The following MAP2K5 variants were observed in gnomAD, a reference collection of about 807,000 sequenced individuals.
The protein encoded by MAP2K5 is mitogen-activated protein kinase kinase 5.
A neutral mutation model predicts 83.1 loss-of-function variants in MAP2K5; 49 were observed. The observed-to-expected ratio is 0.59, with a 90% CI of 0.47 to 0.75. The LOEUF is 0.75. Among genes scored for constraint, MAP2K5 ranks in the 30% least tolerant of loss-of-function variants. The pLI is 0.00. For synonymous variants in MAP2K5, 202 were observed against 191.8 expected, an observed-to-expected ratio of 1.05 and a Z score of -0.44; for missense variants, 457 against 557.5, an observed-to-expected ratio of 0.82 and a Z score of 1.82.
At chr15:67,803,070 A>T (rs2090735106) in intron 21 of MAP2K5, among the ~76,000 whole-genome samples, 1 of 152,238 alleles carries the variant, frequency 6.6e-6, no homozygotes, top group Non-Finnish European at 1.5e-5. Flanking sequence ...CACAATGGAG[A>T]TGCATAGCTG....
In MAP2K5 at chr15:67,636,472, C is replaced by A. The variant is rs1017851876; in HGVS notation, c.585+5545C>A. Among the ~76,000 whole-genome samples the A allele has an allele frequency of 2.0e-5, 3 of 150,348 alleles. No individual in the cohort carries two copies. The highest frequency in any genetic ancestry group is 4.4e-5 in the Non-Finnish European group (3 of 67,718). On this transcript the variant is annotated intron_variant, in intron 9 of 21. Coordinates refer to ENST00000178640, the MANE Select transcript of MAP2K5 (RefSeq NM_145160.3). The surrounding 1 kb of genome is among the most constrained non-coding windows in gnomAD (Gnocchi z 4.7). ...GAATTAGTGGCCTTATCTATTTATT[C>A]CATCATATGTGTCATATCTGGATCA...
At position 67,779,480 on chromosome 15, in the gene MAP2K5, A is replaced by G. The variant is rs564285634; in HGVS notation, c.1242+6728A>G. ...ATAGATGTGACCACTTAATCTTTTC[A>G]CAAGACTTTAGCAGATAAATATGTG... is the stretch of plus-strand genomic sequence containing the variant. On this transcript the variant is annotated intron_variant, in intron 21 of 21. Coordinates refer to ENST00000178640, the MANE Select transcript of MAP2K5 (RefSeq NM_145160.3). The surrounding 1 kb of genome is among the most constrained non-coding windows in gnomAD (Gnocchi z 4.6). Among the ~76,000 whole-genome samples, 2 of 152,362 alleles carry G rather than the reference A, an allele frequency of 1.3e-5. No individual in the cohort carries two copies. The highest frequency in any genetic ancestry group is 3.9e-4 in the East Asian group (2 of 5,190).
chr15:67,760,135 G>T lies in MAP2K5; in HGVS notation c.1135-9467G>T, dbSNP rs2089921468. 6.6e-6 allele frequency among the ~76,000 whole-genome samples: 1 copy of T among 152,186 alleles called. No homozygotes were observed. Among genetic ancestry groups the T allele is most frequent in the Non-Finnish European group, 1.5e-5 (1 of 68,028 alleles). The stretch of plus-strand genomic sequence containing the variant: ...GAAAATAGGTTAGCATTAAGGCCAG[G>T]ATTCCTTTAGTAATTACTTTTTCTA... On this transcript the variant is annotated intron_variant, in intron 19 of 21. Transcript: ENST00000178640. This position sits in a 1 kb window ranked among gnomAD's most constrained non-coding sequence, Gnocchi z 4.1.
intron 12 of MAP2K5, among the ~76,000 whole-genome samples, chr15:67,660,216 C>T (rs749727710): frequency 2.6e-5 from 4 of 151,760 alleles, no homozygotes; most frequent in Non-Finnish European, 5.9e-5. Flanking sequence ...TTGTCTGCCA[C>T]GGAAATGATC....
At chr15:67,623,795 C>T (rs2141071943) in intron 8 of MAP2K5, among the ~76,000 whole-genome samples, 1 of 151,970 alleles carries the variant, frequency 6.6e-6, no homozygotes, top group Non-Finnish European at 1.5e-5. Context: ...CGGGGTTTCT[C>T]CATGTTGGTC....
intron 5 of MAP2K5, among the ~76,000 whole-genome samples, 176 bp from the exon 6 acceptor site, chr15:67,586,670 T>C (rs1474376835): frequency 6.6e-6 from 1 of 152,242 alleles, no homozygotes; most frequent in Non-Finnish European, 1.5e-5. Flanking sequence ...TATTATGTAA[T>C]GTATGGGTTA....
intron 17 of MAP2K5, among the ~76,000 whole-genome samples, chr15:67,739,987 T>TG (rs1049132367): frequency 6.6e-6 from 1 of 152,062 alleles, no homozygotes; most frequent in African/African-American, 2.4e-5. Flanking sequence ...GTTGGAAGGA[T>TG]GGGGGGAAGC....
intron 7 of MAP2K5, among the ~76,000 whole-genome samples, chr15:67,594,400 T>C (rs1703931257): frequency 6.6e-6 from 1 of 152,210 alleles, no homozygotes; most frequent in Non-Finnish European, 1.5e-5. Context: ...TTGTAATTTA[T>C]GTATGAGTCA....
intron 12 of MAP2K5, among the ~76,000 whole-genome samples, chr15:67,662,299 G>C (rs895987877): frequency 7.2e-5 from 11 of 152,068 alleles, no homozygotes; most frequent in Admixed American, 6.6e-4. Context: ...TTGCTCTTAG[G>C]CTTCCTTGAT....
At chr15:67,763,494 C>T (rs936089211) in intron 19 of MAP2K5, among the ~76,000 whole-genome samples, 27 of 152,140 alleles carry the variant, frequency 1.8e-4, no homozygotes, top group Non-Finnish European at 3.8e-4. Flanking sequence ...CAGATATGTA[C>T]ATTGAGGACC....
intron 17 of MAP2K5, among the ~76,000 whole-genome samples, chr15:67,737,294 A>G (rs1446712669): frequency 2.0e-5 from 3 of 152,204 alleles, no homozygotes; most frequent in Non-Finnish European, 4.4e-5. Context: ...AAAGACATCA[A>G]CTTTTATTAT....
intron 8 of MAP2K5, among the ~76,000 whole-genome samples, chr15:67,627,486 GAAAAGC>G (rs2086354148): frequency 6.6e-6 from 1 of 152,144 alleles, no homozygotes; most frequent in Non-Finnish European, 1.5e-5. Flanking sequence ...ACTCAAGTAG[GAAAAGC>G]AAAATGAGTA....
chr15:67,664,333 CAAAAAAAAA>C (rs11395465), intron 12 of MAP2K5, among the ~76,000 whole-genome samples: 2 of 74,090 alleles, frequency 2.7e-5, no homozygotes, highest in East Asian at 9.6e-4. Context: ...CTGTTTCTAC[CAAAAAAAAA>C]AAAAAAAAAA....
chr15:67,703,552 G>A (rs2141215856), intron 16 of MAP2K5, 144 bp downstream of exon 16: 3 of 630,116 alleles, frequency 4.8e-6, no homozygotes, highest in Middle Eastern at 4.2e-4. Flanking sequence ...TAAAGTCTTT[G>A]ATTCCTTGTG....
chr15:67,712,929 A>T (rs2088730054), intron 16 of MAP2K5, among the ~76,000 whole-genome samples: 1 of 152,138 alleles, frequency 6.6e-6, no homozygotes, highest in Non-Finnish European at 1.5e-5. Context: ...AAAAAAAAGA[A>T]CCAAGTCATG....
At chr15:67,670,536 T>C in intron 13 of MAP2K5, 1 of 447,778 alleles carries the variant, frequency 2.2e-6, no homozygotes, top group South Asian at 1.6e-5. Context: ...GAAAAGCTCT[T>C]CTTACATCTT....
At chr15:67,632,655 T>C (rs2086501516) in intron 9 of MAP2K5, among the ~76,000 whole-genome samples, 1 of 152,240 alleles carries the variant, frequency 6.6e-6, no homozygotes. Context: ...TCATCTCCAA[T>C]ATGCCTTTTT....
In MAP2K5 at chr15:67,724,760, A is replaced by AGGCAGCGGTCCTCTCCTG. The variant is rs1285281296; in HGVS notation, c.1045-3153_1045-3136dup. Among the ~76,000 whole-genome samples, 5 of 152,222 alleles carry AGGCAGCGGTCCTCTCCTG rather than the reference A, an allele frequency of 3.3e-5. No individual in the cohort carries two copies. Among genetic ancestry groups the AGGCAGCGGTCCTCTCCTG allele is most frequent in the African/African-American group, 1.2e-4 (5 of 41,460 alleles). On this transcript the variant is annotated intron_variant, in intron 16 of 21. Coordinates refer to ENST00000178640, the MANE Select transcript of MAP2K5 (RefSeq NM_145160.3). The surrounding 1 kb of genome is among the most constrained non-coding windows in gnomAD (Gnocchi z 4.4). ...CTAGAGGGATAGAGGCATACATAGAAGGCAGCGGTCCTCTCCTGGGGCCTT... is the reference window on the plus strand; with the variant it reads ...CTAGAGGGATAGAGGCATACATAGAAGGCAGCGGTCCTCTCCTGGGCAGCGGTCCTCTCCTGGGGCCTT...
intron 21 of MAP2K5, among the ~76,000 whole-genome samples, chr15:67,789,103 T>C (rs1186361275): frequency 1.3e-5 from 2 of 152,212 alleles, no homozygotes; most frequent in East Asian, 1.9e-4. Context: ...GGTATCCTTC[T>C]AGAATTTTTA....
Sources: allele counts gnomAD v4.1 joint callset (sites outside exome capture counted in the v4.1 genomes callset), GRCh38; gene constraint gnomAD v4.1.1; non-coding constraint Gnocchi (gnomAD v3.1); transcripts MANE v1.5; gene names NCBI Gene and HGNC (gene_info 2026-07-23, HGNC 2026-07-21).